Variants in TRERF1 observed in about 807,000 individuals in gnomAD.
TRERF1 encodes transcriptional regulating factor 1.
Under a neutral mutation model 122.9 loss-of-function variants are expected in TRERF1, and 27 were observed. The observed-to-expected ratio is 0.22, with a 90% CI of 0.16 to 0.30. The LOEUF is 0.30. Ranked by LOEUF, TRERF1 falls within the 10% of genes least tolerant of loss-of-function variation. The probability of loss-of-function intolerance (pLI) is 1.00; values close to 1 mark genes in which losing one functional copy is unlikely to be tolerated. For missense variants in TRERF1, 1,248 were observed against 1,560.3 expected, an observed-to-expected ratio of 0.80 and a Z score of 3.37; for synonymous variants, 636 against 641.7, an observed-to-expected ratio of 0.99 and a Z score of 0.13.
At chr6:42,273,395 T>C (rs769606531) in intron 4 of TRERF1, among the ~76,000 whole-genome samples, 2 of 152,076 alleles carry the variant, frequency 1.3e-5, no homozygotes, top group Non-Finnish European at 2.9e-5. Flanking sequence ...AATCAACAAA[T>C]GAGAAAAAAT....
intron 2 of TRERF1, among the ~76,000 whole-genome samples, chr6:42,403,289 T>C (rs1242130953): frequency 2.6e-5 from 4 of 152,144 alleles, no homozygotes; most frequent in Non-Finnish European, 2.9e-5. Flanking sequence ...TATTTGGAAA[T>C]AGGGTCTTTG....
intron 12 of TRERF1, 77 bp downstream of exon 12, chr6:42,256,651 T>C: frequency 7.6e-7 from 1 of 1,311,264 alleles, no homozygotes; most frequent in Non-Finnish European, 1.1e-6. Flanking sequence ...ATTGGTTGTA[T>C]GGTACATGAG....
chr6:42,230,350 G>GT (rs1411355315), intron 17 of TRERF1, among the ~76,000 whole-genome samples: 1 of 150,824 alleles, frequency 6.6e-6, no homozygotes, highest in Non-Finnish European at 1.5e-5. Context: ...TCCAAGCAAC[G>GT]TAAGACTCCA....
At position 42,243,073 on chromosome 6, in the gene TRERF1, CT is replaced by C. The variant is rs373221571; in HGVS notation, c.2859+174del. 9.0e-4 allele frequency among the ~76,000 whole-genome samples: 137 copies of C among 152,296 alleles called. No homozygotes were observed. In the Middle Eastern group the frequency reaches 0.01, roughly 11 times the overall value. On this transcript the variant is annotated intron_variant, in intron 15 of 17. Coordinates refer to ENST00000372922, the Ensembl canonical transcript of TRERF1. ...CAGGCCAAACCTATGGACTTCTTTCCTTTAAACCTACTCAGGAGGGTAGGTC... is the reference window on the plus strand; with the variant it reads ...CAGGCCAAACCTATGGACTTCTTTCCTTAAACCTACTCAGGAGGGTAGGTC...
intron 3 of TRERF1, among the ~76,000 whole-genome samples, chr6:42,310,928 T>C (rs1788124413): frequency 6.6e-6 from 1 of 152,166 alleles, no homozygotes; most frequent in Admixed American, 6.5e-5. Context: ...AAGGAAGAAA[T>C]TCCTTTTTGG....
intron 3 of TRERF1, among the ~76,000 whole-genome samples, chr6:42,330,671 A>G (rs746617346): frequency 1.3e-5 from 2 of 152,048 alleles, no homozygotes; most frequent in African/African-American, 2.4e-5. Flanking sequence ...ACATTGTTGT[A>G]TTTTTTATTT....
At chr6:42,444,285 T>C (rs1009594132) in intron 2 of TRERF1, among the ~76,000 whole-genome samples, 1 of 151,646 alleles carries the variant, frequency 6.6e-6, no homozygotes, top group African/African-American at 2.4e-5. Flanking sequence ...CTTTTTCTAA[T>C]CATAGTTTTC....
intron 2 of TRERF1, among the ~76,000 whole-genome samples, chr6:42,448,355 A>G (rs1787900836): frequency 6.6e-6 from 1 of 152,202 alleles, no homozygotes; most frequent in African/African-American, 2.4e-5. Flanking sequence ...TAGGATATGT[A>G]CATGCTGCAC....
chr6:42,261,659 TGGGCACTCG>T (rs1236371563), intron 8 of TRERF1, among the ~76,000 whole-genome samples: 3 of 152,184 alleles, frequency 2.0e-5, no homozygotes, highest in Non-Finnish European at 4.4e-5. Flanking sequence ...CAAACTGAGA[TGGGCACTCG>T]GGGCTCCTTC....
At chr6:42,277,903 A>AGGAAGAGGAAGAGGAAG (rs1554141662) in intron 4 of TRERF1, among the ~76,000 whole-genome samples, 16 of 93,582 alleles carry the variant, frequency 1.7e-4, no homozygotes, top group East Asian at 1.7e-3. Flanking sequence ...AAGAAGGAAG[A>AGGAAGAGGAAGAGGAAG]AGGAAGAAGA....
chr6:42,357,530 G>A (rs1202940445), intron 3 of TRERF1, among the ~76,000 whole-genome samples: 1 of 152,120 alleles, frequency 6.6e-6, no homozygotes, highest in Non-Finnish European at 1.5e-5. Context: ...CCACATCTGA[G>A]ATCACGTCCT....
intron 4 of TRERF1, among the ~76,000 whole-genome samples, chr6:42,293,777 C>A (rs966603321): frequency 3.8e-5 from 5 of 132,268 alleles, no homozygotes; most frequent in African/African-American, 1.4e-4. Flanking sequence ...TCAGGAAATG[C>A]AAACCCAATA....
In TRERF1 at chr6:42,263,273, G is replaced by C. The variant is rs527408094; in HGVS notation, c.1884+47C>G. 215 of 1,558,898 alleles carry C rather than the reference G, an allele frequency of 1.4e-4. No individual in the cohort carries two copies. Among genetic ancestry groups the C allele is most frequent in the Middle Eastern group, 5.2e-4 (3 of 5,820 alleles). On this transcript the variant is annotated intron_variant, in intron 8 of 17. Transcript: ENST00000372922. This position sits in a 1 kb window ranked among gnomAD's most constrained non-coding sequence, Gnocchi z 5.6. ...GCAGCAACTCACAGCAGGCGTGCGG[G>C]GGGCAGCCCCTTGGGGTGAGTGTGG...
At chr6:42,336,516 C>T (rs1766214278) in intron 3 of TRERF1, among the ~76,000 whole-genome samples, 1 of 152,162 alleles carries the variant, frequency 6.6e-6, no homozygotes, top group South Asian at 2.1e-4. Flanking sequence ...ATTTCACCTA[C>T]TGAAGATGCA....
intron 2 of TRERF1, among the ~76,000 whole-genome samples, chr6:42,419,414 C>T (rs972389771): frequency 3.9e-5 from 6 of 152,052 alleles, no homozygotes; most frequent in Non-Finnish European, 8.8e-5. Context: ...AAGCGCATGC[C>T]TGTGGCCTGC....
At chr6:42,287,675 GC>G (rs1446662082) in intron 4 of TRERF1, among the ~76,000 whole-genome samples, 1 of 152,018 alleles carries the variant, frequency 6.6e-6, no homozygotes, top group Non-Finnish European at 1.5e-5. Context: ...GACCCCAGGG[GC>G]CCACCACCTC....
chr6:42,427,638 C>T (rs535199102), intron 2 of TRERF1, among the ~76,000 whole-genome samples: 63 of 151,950 alleles, frequency 4.1e-4, no homozygotes, highest in African/African-American at 1.5e-3. Flanking sequence ...CAGCCTCCAC[C>T]TGCCAGGCTC....
chr6:42,351,117 C>T (rs1769359896), intron 3 of TRERF1, among the ~76,000 whole-genome samples: 2 of 152,150 alleles, frequency 1.3e-5, no homozygotes, highest in Admixed American at 1.3e-4. Context: ...ATCAAATTGG[C>T]AAAAACTGAA....
Position 42,269,874 on chromosome 6 carries a change from G to T in TRERF1, c.-258-26C>A, listed in dbSNP as rs1034122216. 5.4e-6 allele frequency: 3 copies of T among 552,438 alleles called. No individual in the cohort carries two copies. The highest frequency in any genetic ancestry group is 8.4e-6 in the Non-Finnish European group (3 of 356,520). 34.2% of individuals were successfully genotyped at this position (552,438 alleles called of 1,614,324 possible). A position where few individuals can be genotyped will look rare whatever the true frequency, so the allele number is the denominator to read the frequency against. ...CTGCAAGGCAAGATGCAAAAGACAG[G>T]AAAGGATTTATTTGGATGTTTTGTG... On this transcript the variant is annotated intron_variant, in intron 4 of 17. Transcript: ENST00000372922. The surrounding 1 kb of genome is among the most constrained non-coding windows in gnomAD (Gnocchi z 4.9).
Sources: gnomAD v4.1 joint callset for allele counts (sites outside exome capture counted in the v4.1 genomes callset) on GRCh38, gnomAD v4.1.1 for gene constraint, Gnocchi (gnomAD v3.1) non-coding constraint, MANE v1.5 for transcripts, NCBI Gene and HGNC (gene_info 2026-07-23, HGNC 2026-07-21) for gene names.